The following DHX8 variants were observed in gnomAD, a reference collection of about 807,000 sequenced individuals.
DHX8 encodes the protein ATP-dependent RNA helicase DHX8.
A neutral mutation model predicts 140.7 loss-of-function variants in DHX8; 67 were observed. That is an observed-to-expected ratio of 0.48 (90% CI 0.39 to 0.58). The LOEUF (loss-of-function observed/expected upper bound fraction) is 0.58. Among genes scored for constraint, DHX8 ranks in the 20% least tolerant of loss-of-function variants. DHX8 has a pLI of 0.00. For missense variants in DHX8, 887 were observed against 1,550.7 expected (o/e 0.57, Z 7.19); for synonymous variants, 533 against 553.2 (o/e 0.96, Z 0.51).
chr17:43,506,882 A>T, intron 12 of DHX8, 121 bp from the exon 13 acceptor site: 1 of 685,000 alleles, frequency 1.5e-6, no homozygotes. Context: ...GTGTTAGAAT[A>T]TAGTAATTAT....
downstream of DHX8, chr17:43,530,058 T>C: frequency 6.2e-7 from 1 of 1,609,564 alleles, no homozygotes; most frequent in Non-Finnish European, 8.5e-7. Flanking sequence ...ATGGCAGCGC[T>C]CCCTCCCCCA....
chr17:43,512,379 T>C (rs1408881476), intron 16 of DHX8, among the ~76,000 whole-genome samples: 1 of 137,428 alleles, frequency 7.3e-6, no homozygotes, highest in East Asian at 2.2e-4. Context: ...AGAGTGAGAC[T>C]CTATCTCAAA....
chr17:43,539,291 TC>T (rs1971402877), intron 3 of DHX8, among the ~76,000 whole-genome samples: 1 of 152,134 alleles, frequency 6.6e-6, no homozygotes, highest in South Asian at 2.1e-4. Context: ...TGTTCCTTCT[TC>T]CCCAGATGCT....
rs1411187221 is a variant in DHX8, at chr17:43,522,153, T to A, written c.3370T>A (p.Tyr1124Asn). Reference protein sequence around the residue: ...NAAKKDPQEGYRTLIDQQVVY... With the variant: ...NAAKKDPQEGNRTLIDQQVVY... ...TGCCAAGAAAGACCCGCAGGAGGGT[T>A]ACCGGACACTGATCGACCAGCAGGT... The change falls in exon 22 of 23, where the codon TAC (tyrosine) becomes AAC (asparagine). Residue 1124 changes from tyrosine (Y) to asparagine (N), a missense_variant. By Grantham distance (143) the Tyr-to-Asn change is moderately radical. Transcript: ENST00000262415. The A allele has an allele frequency of 6.2e-7, 1 of 1,614,122 alleles. No individual in the cohort carries two copies. The highest frequency in any genetic ancestry group is 8.5e-7 in the Non-Finnish European group (1 of 1,179,998).
At chr17:43,533,290 G>T in intron 2 of DHX8, 1 of 1,613,986 alleles carries the variant, frequency 6.2e-7, no homozygotes, top group Non-Finnish European at 8.5e-7. Flanking sequence ...AGGGGCGACT[G>T]TCCAAGGGCA....
intron 2 of DHX8, chr17:43,532,986 A>G (rs764109102): frequency 1.7e-5 from 26 of 1,525,624 alleles, no homozygotes; most frequent in Middle Eastern, 3.6e-4. Context: ...CTTTAAATTA[A>G]TCCTTCCTCG....
chr17:43,526,483 G>C, downstream of DHX8: 1 of 1,535,556 alleles, frequency 6.5e-7, no homozygotes, highest in Non-Finnish European at 8.7e-7. Flanking sequence ...GGCTTTGACT[G>C]TCTCTCCTGC....
chr17:43,507,375 G>T (rs1302865711), intron 13 of DHX8, 128 bp from the exon 14 acceptor site: 1 of 1,101,318 alleles, frequency 9.1e-7, no homozygotes, highest in Non-Finnish European at 1.3e-6. Context: ...CTTACTATGA[G>T]GAAATTACTG....
chr17:43,490,463 G>A lies in DHX8; in HGVS notation c.307G>A (p.Asp103Asn). The A allele has an allele frequency of 6.2e-7, 1 of 1,612,482 alleles. No homozygotes were observed. The highest frequency in any genetic ancestry group is 8.5e-7 in the Non-Finnish European group (1 of 1,179,012). ...TCCAGCGAAGCCTTCCACTAGCAAA[G>A]GTAAGCAGAGCTTCCAGCTGAGCTT... ...RPPAKPSTSK[D>N]PVVKPKTEKE... is the part of the protein sequence containing the mutation. Residue 103 changes from aspartate to asparagine, a missense_variant and splice_region_variant, in exon 3 of 23, where the codon GAT becomes AAT. Transcript: ENST00000262415.
Position 43,524,625 on chromosome 17 carries a change from G to C in DHX8, c.*778G>C. On this transcript the variant is annotated 3_prime_UTR_variant, in exon 23 of 23. Coordinates refer to ENST00000262415, the MANE Select transcript of DHX8 (RefSeq NM_004941.3). The stretch of plus-strand genomic sequence containing the variant: ...CTACAGATGGCACATATTAAATACA[G>C]AAGGTTTCCCCTTGCTCCCTCCACC... 1 of 985,492 alleles carries C rather than the reference G, an allele frequency of 1.0e-6. No individual in the cohort carries two copies. Among genetic ancestry groups the C allele is most frequent in the Non-Finnish European group, 1.2e-6 (1 of 829,980 alleles). The allele number at this position is 985,492 out of a possible 1,614,324, so 61.0% of individuals were successfully genotyped here.
At chr17:43,501,710 C>T (rs904273424) in intron 11 of DHX8, among the ~76,000 whole-genome samples, 18 of 145,804 alleles carry the variant, frequency 1.2e-4, no homozygotes, top group African/African-American at 4.5e-4. Flanking sequence ...GTCTCGAACT[C>T]GCGACCTCAG....
chr17:43,541,825 A>G (rs957615814), intron 3 of DHX8, among the ~76,000 whole-genome samples: 2 of 152,182 alleles, frequency 1.3e-5, no homozygotes, highest in Non-Finnish European at 1.5e-5. Flanking sequence ...TTTGTCCCCA[A>G]GAGTCTTCAG....
chr17:43,535,986 C>T (rs1971223133), intron 2 of DHX8, among the ~76,000 whole-genome samples: 1 of 152,308 alleles, frequency 6.6e-6, no homozygotes, highest in South Asian at 2.1e-4. Context: ...TTGTGCATGC[C>T]TGTAATCCCA....
At chr17:43,505,704 A>G (rs1969456412) in intron 12 of DHX8, among the ~76,000 whole-genome samples, 1 of 152,066 alleles carries the variant, frequency 6.6e-6, no homozygotes, top group African/African-American at 2.4e-5. Flanking sequence ...TCTGTTCAGT[A>G]ATTAAAAATG....
chr17:43,490,506 A>G, intron 3 of DHX8, 43 bp downstream of exon 3: 3 of 1,501,352 alleles, frequency 2.0e-6, no homozygotes, highest in Non-Finnish European at 2.8e-6. Context: ...AGAATGGTGT[A>G]GGTTTTGAAC....
In DHX8 at chr17:43,524,956, GT is replaced by G. The variant is rs990010252; in HGVS notation, c.*1121del. 4.5e-3 allele frequency: 3,319 copies of G among 732,484 alleles called. 1 individual carries two copies. The highest frequency in any genetic ancestry group is 5.5e-3 in the Middle Eastern group (8 of 1,462). 45.4% of individuals were successfully genotyped at this position (732,484 alleles called of 1,614,324 possible). A position where few individuals can be genotyped will look rare whatever the true frequency, so the allele number is the denominator to read the frequency against. Reference sequence around the variant, plus strand: ...GCCCTCCTCACAGCTCCTGAGGAGGGTTTTTTTTTTTTCTTCCCATAGAGAT... The same window carrying G: ...GCCCTCCTCACAGCTCCTGAGGAGGGTTTTTTTTTTTCTTCCCATAGAGAT... On this transcript the variant is annotated 3_prime_UTR_variant, in exon 23 of 23. Transcript: ENST00000262415.
intron 17 of DHX8, 129 bp downstream of exon 17, chr17:43,513,631 A>C (rs968086802): frequency 4.8e-5 from 39 of 805,456 alleles, no homozygotes; most frequent in Non-Finnish European, 6.1e-5. Context: ...CTATAATGAC[A>C]TGAGGGAAGG....
At chr17:43,544,047 T>A (rs1021501386) in intron 3 of DHX8, 22 of 152,236 alleles carry the variant, frequency 1.4e-4, no homozygotes, top group African/African-American at 5.1e-4. Context: ...AAAAAGGAGT[T>A]CCTAGTGTTT....
At chr17:43,533,714 G>A (rs1971085746) in intron 2 of DHX8, 2 of 1,031,418 alleles carry the variant, frequency 1.9e-6, no homozygotes, top group Admixed American at 2.8e-5. Flanking sequence ...GAAATCCTTA[G>A]CTGTATTGCT....
Sources: allele counts gnomAD v4.1 joint callset (sites outside exome capture counted in the v4.1 genomes callset), GRCh38; gene constraint gnomAD v4.1.1; transcripts MANE v1.5; gene names NCBI Gene and HGNC (gene_info 2026-07-23, HGNC 2026-07-21).